RIMS1: variants seen among roughly 807,000 people sequenced by gnomAD.
RIMS1 encodes the protein regulating synaptic membrane exocytosis protein 1.
RIMS1 carries 83 observed loss-of-function variants against 214.1 expected under a neutral mutation model. The ratio of observed to expected loss-of-function variants is 0.39; its 90% CI spans 0.32 to 0.47. RIMS1 has a LOEUF of 0.47. Among genes scored for constraint, RIMS1 ranks in the 20% least tolerant of loss-of-function variants. RIMS1 has a pLI of 0.99. For synonymous variants in RIMS1, 793 were observed against 786.8 expected, an observed-to-expected ratio of 1.01 and a Z score of -0.13; for missense variants, 2,050 against 2,161.8, an observed-to-expected ratio of 0.95 and a Z score of 1.03.
At chr6:72,258,927 T>C (rs2076922310) in intron 17 of RIMS1, 59 bp from the exon 18 acceptor site, 4 of 1,534,556 alleles carry the variant, frequency 2.6e-6, no homozygotes, top group Middle Eastern at 1.7e-4. Context: ...CTTTAGTCTG[T>C]CTGCCTGTTT....
intron 4 of RIMS1, chr6:72,156,011 C>A: frequency 3.3e-6 from 1 of 306,316 alleles, no homozygotes; most frequent in Non-Finnish European, 6.6e-6. Context: ...CACTTATACC[C>A]TGTTGGTAGG....
chr6:72,352,534 C>T (rs2097491106), intron 29 of RIMS1, among the ~76,000 whole-genome samples: 1 of 152,052 alleles, frequency 6.6e-6, no homozygotes, highest in Non-Finnish European at 1.5e-5. Flanking sequence ...TAAAAATTTA[C>T]CCTAAAAGTA....
chr6:72,101,425 A>C (rs1193977688), intron 4 of RIMS1, among the ~76,000 whole-genome samples: 3 of 151,998 alleles, frequency 2.0e-5, no homozygotes, highest in Non-Finnish European at 4.4e-5. Flanking sequence ...GAGTTCAATG[A>C]ATGGCCTTTC....
intron 19 of RIMS1, chr6:72,263,495 T>C: frequency 1.0e-6 from 1 of 984,374 alleles, no homozygotes; most frequent in Middle Eastern, 5.2e-4. Flanking sequence ...AACTTGAACA[T>C]TCAGACTATA....
At chr6:72,206,949 CTATT>C (rs1437809106) in intron 6 of RIMS1, among the ~76,000 whole-genome samples, 1 of 152,146 alleles carries the variant, frequency 6.6e-6, no homozygotes, top group East Asian at 1.9e-4. Context: ...TGTAGTATGA[CTATT>C]TATTTTTTGA....
At chr6:71,959,247 A>T (rs755269679) in intron 1 of RIMS1, among the ~76,000 whole-genome samples, 5 of 152,138 alleles carry the variant, frequency 3.3e-5, no homozygotes, top group Non-Finnish European at 5.9e-5. Flanking sequence ...AGTTGAAAAA[A>T]TAGTTACAAT....
chr6:72,180,394 T>C (rs2048251724), intron 5 of RIMS1, among the ~76,000 whole-genome samples: 1 of 152,198 alleles, frequency 6.6e-6, no homozygotes, highest in Non-Finnish European at 1.5e-5. Flanking sequence ...TCCAGGTATC[T>C]GCACAGGCAC....
intron 25 of RIMS1, 44 bp downstream of exon 25, chr6:72,290,905 G>T (rs772992643): frequency 6.3e-7 from 1 of 1,585,698 alleles, no homozygotes; most frequent in Non-Finnish European, 8.6e-7. Context: ...CCTGCCTCCG[G>T]GTGTTGGTGT....
At chr6:72,122,597 G>C (rs1013105964) in intron 4 of RIMS1, among the ~76,000 whole-genome samples, 1 of 151,736 alleles carries the variant, frequency 6.6e-6, no homozygotes, top group African/African-American at 2.4e-5. Context: ...CTGTGAATTT[G>C]TCTGGTCCTG....
intron 4 of RIMS1, among the ~76,000 whole-genome samples, chr6:72,137,685 T>C (rs2041495128): frequency 2.0e-5 from 3 of 151,636 alleles, no homozygotes; most frequent in Admixed American, 2.0e-4. Flanking sequence ...TGTTCTTCTG[T>C]CCTAAAATTA....
chr6:72,280,655 AAAG>A (rs1389487805), intron 23 of RIMS1, among the ~76,000 whole-genome samples: 12 of 152,016 alleles, frequency 7.9e-5, no homozygotes, highest in Non-Finnish European at 1.3e-4. Context: ...TGAAGAGAAA[AAAG>A]GGGCATCCTC....
intron 1 of RIMS1, among the ~76,000 whole-genome samples, chr6:71,963,474 G>T (rs1243551102): frequency 1.3e-5 from 2 of 152,058 alleles, no homozygotes; most frequent in African/African-American, 2.4e-5. Flanking sequence ...GAAAAAATCA[G>T]AAAAAGAGGA....
At chr6:72,303,572 A>C (rs1203035359) in intron 26 of RIMS1, among the ~76,000 whole-genome samples, 1 of 151,404 alleles carries the variant, frequency 6.6e-6, no homozygotes, top group Admixed American at 6.6e-5. Context: ...TTTAGAAGAC[A>C]AGAAATTATT....
intron 6 of RIMS1, among the ~76,000 whole-genome samples, chr6:72,186,023 T>C (rs2049046546): frequency 6.6e-6 from 1 of 152,272 alleles, no homozygotes; most frequent in African/African-American, 2.4e-5. Flanking sequence ...TTGCTTACTT[T>C]ATTGTGAGAA....
intron 29 of RIMS1, among the ~76,000 whole-genome samples, chr6:72,334,143 C>T (rs184756650): frequency 4.5e-4 from 68 of 151,840 alleles, no homozygotes; most frequent in African/African-American, 1.4e-3. Flanking sequence ...TTACATGCAA[C>T]GAAAGCAACA....
At chr6:72,280,735 G>T (rs2089686972) in intron 23 of RIMS1, among the ~76,000 whole-genome samples, 2 of 152,124 alleles carry the variant, frequency 1.3e-5, no homozygotes, top group South Asian at 2.1e-4. Flanking sequence ...ATGAATATTT[G>T]TTATCCAGTT....
Position 71,953,543 on chromosome 6 carries a change from T to A in RIMS1, c.165-15440T>A, listed in dbSNP as rs553423360. Among the ~76,000 whole-genome samples the A allele has an allele frequency of 9.8e-5, 15 of 152,290 alleles. No individual in the cohort carries two copies. The South Asian group carries it at 3.1e-3, about 32-fold the overall frequency. Reference sequence around the variant, plus strand: ...ATTAAGTGTAGAGAAGTAGATCCATTGATGTAAATTGTTTTTGAAAGCATG... The same window carrying A: ...ATTAAGTGTAGAGAAGTAGATCCATAGATGTAAATTGTTTTTGAAAGCATG... On this transcript the variant is annotated intron_variant, in intron 1 of 33. Coordinates refer to ENST00000521978, the MANE Select transcript of RIMS1 (RefSeq NM_014989.7).
At chr6:72,264,284 A>G (rs1193467578) in intron 19 of RIMS1, among the ~76,000 whole-genome samples, 1 of 152,158 alleles carries the variant, frequency 6.6e-6, no homozygotes, top group Admixed American at 6.6e-5. Flanking sequence ...CAGTCCAGAA[A>G]CCCTCACAGA....
intron 9 of RIMS1, among the ~76,000 whole-genome samples, chr6:72,239,335 T>A (rs1261882962): frequency 1.3e-5 from 2 of 152,200 alleles, no homozygotes; most frequent in Non-Finnish European, 2.9e-5. Flanking sequence ...AACACCCTTA[T>A]GAGCCAAGAG....
Sources: allele counts gnomAD v4.1 joint callset (sites outside exome capture counted in the v4.1 genomes callset), GRCh38; gene constraint gnomAD v4.1.1; transcripts MANE v1.5; gene names NCBI Gene and HGNC (gene_info 2026-07-23, HGNC 2026-07-21).